The following FGF2 variants were observed in gnomAD, a reference collection of about 807,000 sequenced individuals.
The protein encoded by FGF2 is fibroblast growth factor 2.
In FGF2, 13 loss-of-function variants were observed where a neutral mutation model predicts 15.9. The observed-to-expected ratio is 0.82, with a 90% CI of 0.53 to 1.30. FGF2 has a LOEUF of 1.30. FGF2 is among the 50% of genes most tolerant of loss of function. The pLI is 0.00. For missense variants in FGF2, 163 were observed against 196.9 expected (o/e 0.83, Z 1.03); for synonymous variants, 90 against 78.4 (o/e 1.15, Z -0.78).
At chr4:122,835,095 C>T (rs566794014) in intron 1 of FGF2, among the ~76,000 whole-genome samples, 81 of 152,320 alleles carry the variant, frequency 5.3e-4, no homozygotes, top group Non-Finnish European at 1.1e-3. Flanking sequence ...TCAGTAAGCA[C>T]CCATTGCATA....
At chr4:122,845,519 T>C (rs1047890364) in intron 1 of FGF2, among the ~76,000 whole-genome samples, 34 of 152,258 alleles carry the variant, frequency 2.2e-4, no homozygotes, top group Admixed American at 5.9e-4. Flanking sequence ...GTTGTTAGTG[T>C]AGCTACCTTC....
At chr4:122,866,704 G>A (rs1380299891) in intron 1 of FGF2, among the ~76,000 whole-genome samples, 1 of 152,312 alleles carries the variant, frequency 6.6e-6, no homozygotes, top group South Asian at 2.1e-4. Context: ...TGTTGGCCTG[G>A]ATGTGGAATA....
Position 122,850,040 on chromosome 4 carries a change from T to C in FGF2, c.178+22688T>C, listed in dbSNP as rs1277072688. ...AATTTGGGAGGCCAAGGTGGGTGGA[T>C]TGCTTGAGCTCAGGAGTTTGAGACC... On this transcript the variant is annotated intron_variant, in intron 1 of 2. Coordinates refer to ENST00000644866, the MANE Select transcript of FGF2 (RefSeq NM_001361665.2). Among the ~76,000 whole-genome samples, 7 of 152,282 alleles carry C rather than the reference T, an allele frequency of 4.6e-5. No homozygotes were observed. In the South Asian group the frequency reaches 1.2e-3, roughly 27 times the overall value.
At chr4:122,833,444 T>C (rs1725804354) in intron 1 of FGF2, among the ~76,000 whole-genome samples, 1 of 152,158 alleles carries the variant, frequency 6.6e-6, no homozygotes, top group Non-Finnish European at 1.5e-5. Context: ...TGAAAACTTG[T>C]AATTAAATGA....
chr4:122,861,747 C>A (rs45450895), intron 1 of FGF2, among the ~76,000 whole-genome samples: 4 of 152,152 alleles, frequency 2.6e-5, no homozygotes, highest in South Asian at 2.1e-4. Context: ...CCCCATACCC[C>A]CTTCCACAAC....
chr4:122,854,268 A>G (rs936904345), intron 1 of FGF2, among the ~76,000 whole-genome samples: 1 of 152,220 alleles, frequency 6.6e-6, no homozygotes, highest in African/African-American at 2.4e-5. Flanking sequence ...TTATTCACTG[A>G]TACTCTTTTG....
rs189509873 is a variant in FGF2, at chr4:122,839,052, G to A, written c.178+11700G>A. On this transcript the variant is annotated intron_variant, in intron 1 of 2. Transcript: ENST00000644866. ...AATGTGCTGTACAGGTTTGCAGCCCGGGAGCAATAAGCTATACCATCATCT... is the reference window on the plus strand; with the variant it reads ...AATGTGCTGTACAGGTTTGCAGCCCAGGAGCAATAAGCTATACCATCATCT... Among the ~76,000 whole-genome samples, 7 of 152,208 alleles carry A rather than the reference G, an allele frequency of 4.6e-5. No individual in the cohort carries two copies. The East Asian group carries it at 1.2e-3, about 25-fold the overall frequency.
intron 1 of FGF2, among the ~76,000 whole-genome samples, chr4:122,841,685 C>T (rs1025118000): frequency 3.9e-5 from 6 of 152,164 alleles, no homozygotes; most frequent in African/African-American, 1.2e-4. Context: ...AGTAAAACGT[C>T]ATGCTTCAGA....
intron 1 of FGF2, among the ~76,000 whole-genome samples, chr4:122,837,092 A>G (rs1210752185): frequency 1.3e-5 from 2 of 152,174 alleles, no homozygotes; most frequent in African/African-American, 4.8e-5. Flanking sequence ...ACCATTGTTA[A>G]TATTTTGGGC....
chr4:122,895,223 T>G lies in FGF2; in HGVS notation c.*2827T>G, dbSNP rs1158279999. 6.6e-6 allele frequency: 1 copy of G among 152,198 alleles called. No homozygotes were observed. The highest frequency in any genetic ancestry group is 1.5e-5 in the Non-Finnish European group (1 of 68,034). The allele number at this position is 152,198 out of a possible 1,614,324, so 9.4% of individuals were successfully genotyped here. On this transcript the variant is annotated 3_prime_UTR_variant, in exon 3 of 3. Coordinates refer to ENST00000644866, the MANE Select transcript of FGF2 (RefSeq NM_001361665.2). Reference sequence around the variant, plus strand: ...GATAGTGTGCTTTATTCTGTTGTATTTTTTATTATTTTAATATACTGTAAG... The same window carrying G: ...GATAGTGTGCTTTATTCTGTTGTATGTTTTATTATTTTAATATACTGTAAG...
At chr4:122,857,041 G>A (rs1436138659) in intron 1 of FGF2, among the ~76,000 whole-genome samples, 1 of 152,162 alleles carries the variant, frequency 6.6e-6, no homozygotes, top group East Asian at 1.9e-4. Context: ...GTGTTGCCTG[G>A]TGTTGCTGTG....
In FGF2 at chr4:122,897,796, T is replaced by C; in HGVS notation, c.*5400T>C. ...TGGTTGAGAATATATTTTTTAGTAA[T>C]TGCATGCAAAATTTTTCTAGCTTCC... On this transcript the variant is annotated 3_prime_UTR_variant, in exon 3 of 3. Transcript: ENST00000644866. 2.8e-6 allele frequency: 2 copies of C among 716,700 alleles called. No homozygotes were observed. Among genetic ancestry groups the C allele is most frequent in the Middle Eastern group, 3.1e-4 (1 of 3,274 alleles). 44.4% of individuals were successfully genotyped at this position (716,700 alleles called of 1,614,324 possible).
chr4:122,854,637 T>C (rs1726301230), intron 1 of FGF2, among the ~76,000 whole-genome samples: 1 of 152,146 alleles, frequency 6.6e-6, no homozygotes, highest in African/African-American at 2.4e-5. Flanking sequence ...TCCTACTAAG[T>C]CCACCCAGCA....
chr4:122,853,796 A>G (rs1382758648), intron 1 of FGF2, among the ~76,000 whole-genome samples: 1 of 152,226 alleles, frequency 6.6e-6, no homozygotes, highest in Non-Finnish European at 1.5e-5. Flanking sequence ...GATGAAGAAT[A>G]TAAGCAAAAC....
intron 1 of FGF2, among the ~76,000 whole-genome samples, chr4:122,872,973 G>A (rs1042970199): frequency 2.0e-5 from 3 of 152,194 alleles, no homozygotes; most frequent in Admixed American, 6.5e-5. Context: ...ATCAGCTAGT[G>A]TGCAAAATAA....
chr4:122,827,474 C>G lies in FGF2; in HGVS notation c.178+122C>G. ...GCGACCCTAGCGCTCCGTGTGGTTTCTGGCCGCGCGGCCCTCGGCGGTTTC... is the reference window on the plus strand; with the variant it reads ...GCGACCCTAGCGCTCCGTGTGGTTTGTGGCCGCGCGGCCCTCGGCGGTTTC... On this transcript the variant is annotated intron_variant, in intron 1 of 2. Coordinates refer to ENST00000644866, the MANE Select transcript of FGF2 (RefSeq NM_001361665.2). The surrounding 1 kb of genome is among the most constrained non-coding windows in gnomAD (Gnocchi z 4.2). 8.4e-7 allele frequency: 1 copy of G among 1,189,600 alleles called. No individual in the cohort carries two copies. The allele number at this position is 1,189,600 out of a possible 1,614,324, so 73.7% of individuals were successfully genotyped here. A position where few individuals can be genotyped will look rare whatever the true frequency, so the allele number is the denominator to read the frequency against.
intron 2 of FGF2, among the ~76,000 whole-genome samples, chr4:122,883,816 AG>A (rs1337615236): frequency 6.6e-6 from 1 of 152,184 alleles, no homozygotes; most frequent in Non-Finnish European, 1.5e-5. Context: ...TTAATATCTC[AG>A]TATTAGAATG....
At chr4:122,868,421 T>C (rs1216416703) in intron 1 of FGF2, among the ~76,000 whole-genome samples, 2 of 152,200 alleles carry the variant, frequency 1.3e-5, no homozygotes, top group Non-Finnish European at 2.9e-5. Context: ...GCTTCTAGCT[T>C]CATCCATGTC....
intron 2 of FGF2, among the ~76,000 whole-genome samples, chr4:122,891,201 C>T (rs899032374): frequency 2.0e-5 from 3 of 150,866 alleles, no homozygotes; most frequent in African/African-American, 7.3e-5. Context: ...CCAACACGCC[C>T]GGCTAATTTT....
Sources: gnomAD v4.1 joint callset for allele counts (sites outside exome capture counted in the v4.1 genomes callset) on GRCh38, gnomAD v4.1.1 for gene constraint, Gnocchi (gnomAD v3.1) non-coding constraint, MANE v1.5 for transcripts, NCBI Gene and HGNC (gene_info 2026-07-23, HGNC 2026-07-21) for gene names.